The following POM121 variants were observed in gnomAD, a reference collection of about 807,000 sequenced individuals.
POM121 encodes nuclear envelope pore membrane protein POM 121.
A neutral mutation model predicts 81.3 loss-of-function variants in POM121; 32 were observed. The observed-to-expected ratio is 0.39, with a 90% CI of 0.30 to 0.53. The LOEUF (loss-of-function observed/expected upper bound fraction) is 0.53. POM121 is among the 20% of genes least tolerant of loss of function. The probability of loss-of-function intolerance (pLI) is 0.66; values close to 1 mark genes in which losing one functional copy is unlikely to be tolerated. For synonymous variants in POM121, 514 were observed against 694.2 expected (o/e 0.74, Z 4.08); for missense variants, 1,138 against 1,614.6 (o/e 0.70, Z 5.06).
chr7:72,906,688 TC>T (rs1219327100), intron 3 of POM121, among the ~76,000 whole-genome samples: 1 of 152,184 alleles, frequency 6.6e-6, no homozygotes, highest in African/African-American at 2.4e-5. Flanking sequence ...AGTGGTGCAG[TC>T]ACGGCTTACT....
At chr7:72,924,953 CAG>C (rs1795201596), upstream of POM121, 10 of 1,176,216 alleles carry the variant, frequency 8.5e-6, no homozygotes, top group East Asian at 3.2e-4. Context: ...GAGTCAGAAA[CAG>C]GCGTTAAAGG....
chr7:72,938,694 C>G lies in POM121; in HGVS notation c.1367+13C>G. On this transcript the variant is annotated intron_variant, in intron 6 of 12. Transcript: ENST00000434423. ...CAAAGAAAATAAGGTACTTGGCATT[C>G]TCCTGCAGTTTTCATTTGCTGCGTG... The G allele has an allele frequency of 6.2e-7, 1 of 1,612,110 alleles. No homozygotes were observed. The highest frequency in any genetic ancestry group is 8.5e-7 in the Non-Finnish European group (1 of 1,178,172).
intron 7 of POM121, 59 bp from the exon 8 acceptor site, chr7:72,939,788 A>G: frequency 6.2e-6 from 10 of 1,610,808 alleles, no homozygotes; most frequent in Non-Finnish European, 7.6e-6. Flanking sequence ...GTGGGTAGAC[A>G]CAACCATCCA....
chr7:72,897,133 C>G (rs1380401654), intron 3 of POM121, among the ~76,000 whole-genome samples: 1 of 152,054 alleles, frequency 6.6e-6, no homozygotes, highest in Non-Finnish European at 1.5e-5. Context: ...GCCTGGGCAA[C>G]AGAGCAAGAC....
intron 3 of POM121, among the ~76,000 whole-genome samples, chr7:72,896,140 T>C (rs1411828119): frequency 6.6e-6 from 1 of 151,734 alleles, no homozygotes; most frequent in Non-Finnish European, 1.5e-5. Flanking sequence ...GTTTTATTCC[T>C]TTTTCAGATT....
Position 72,943,456 on chromosome 7 carries a change from A to G in POM121, c.3463A>G (p.Thr1155Ala). 1.2e-6 allele frequency: 2 copies of G among 1,612,926 alleles called. No homozygotes were observed. The highest frequency in any genetic ancestry group is 8.5e-7 in the Non-Finnish European group (1 of 1,179,814). The change falls in exon 11 of 13, where the codon ACC becomes GCC. Residue 1155 changes from threonine to alanine, a missense_variant. Around this residue, in one of 7 missense-constraint regions of POM121, gnomAD observed 336 missense variants for 344.3 expected, o/e 0.98. Transcript: ENST00000434423. ...CTTAGGTCAGAACGCCCTGGGCACCACCGGCCAGAGCACACCGTTTGCCTT... is the reference window on the plus strand; with the variant it reads ...CTTAGGTCAGAACGCCCTGGGCACCGCCGGCCAGAGCACACCGTTTGCCTT... ...GGLGQNALGT[T>A]GQSTPFAFNV...
intron 5 of POM121, among the ~76,000 whole-genome samples, chr7:72,936,612 A>G (rs1387838214): frequency 5.9e-5 from 9 of 151,988 alleles, no homozygotes; most frequent in East Asian, 1.9e-4. Flanking sequence ...AGGTTTCACC[A>G]TGTTGGCCAT....
chr7:72,929,099 G>C (rs1554498099), intron 4 of POM121, among the ~76,000 whole-genome samples: 1 of 152,184 alleles, frequency 6.6e-6, no homozygotes, highest in Non-Finnish European at 1.5e-5. Context: ...AAGCAATGAA[G>C]ATGTTAAGGA....
intron 3 of POM121, among the ~76,000 whole-genome samples, chr7:72,910,939 C>T (rs1793743527): frequency 6.6e-6 from 1 of 152,126 alleles, no homozygotes; most frequent in Non-Finnish European, 1.5e-5. Context: ...TCTTCTCTAC[C>T]TTTCCAGAAT....
upstream of POM121, among the ~76,000 whole-genome samples, chr7:72,920,643 C>T (rs1316250745): frequency 9.9e-5 from 15 of 152,044 alleles, no homozygotes; most frequent in Admixed American, 5.9e-4. Context: ...CGTGAGCCAC[C>T]GTGCCCAGCC....
intron 1 of POM121, among the ~76,000 whole-genome samples, chr7:72,888,102 A>T: frequency 6.6e-6 from 1 of 152,148 alleles, no homozygotes; most frequent in Non-Finnish European, 1.5e-5. Flanking sequence ...GGCCTCAAGC[A>T]ATCCTTCTGC....
At chr7:72,926,759 G>A (rs1554497575) in intron 2 of POM121, 43 bp from the exon 3 acceptor site, 2 of 1,603,098 alleles carry the variant, frequency 1.2e-6, no homozygotes, top group South Asian at 1.1e-5. Context: ...TATGGCATGG[G>A]AATTAAAATA....
chr7:72,916,527 A>G (rs1157715329), intron 4 of POM121, among the ~76,000 whole-genome samples: 5 of 152,036 alleles, frequency 3.3e-5, no homozygotes, highest in African/African-American at 1.2e-4. Context: ...TGGTCTATGT[A>G]TCTGTTTTGG....
intron 5 of POM121, among the ~76,000 whole-genome samples, chr7:72,933,532 A>G (rs1230490558): frequency 1.3e-5 from 2 of 152,184 alleles, no homozygotes; most frequent in African/African-American, 4.8e-5. Flanking sequence ...AGAGAAACCT[A>G]TTCCAAATGA....
Position 72,925,726 on chromosome 7 carries a change from C to T in POM121, c.605C>T (p.Pro202Leu). 12 of 1,294,600 alleles carry T rather than the reference C, an allele frequency of 9.3e-6. No individual in the cohort carries two copies. Among genetic ancestry groups the T allele is most frequent in the African/African-American group, 1.6e-5 (1 of 63,216 alleles). The allele number at this position is 1,294,600 out of a possible 1,614,324, so 80.2% of individuals were successfully genotyped here. ...GCTCACCACGTTTACCCCTCTCTGCCCACTCCTCTTCTCCGACCCTCCAGG... is the reference window on the plus strand; with the variant it reads ...GCTCACCACGTTTACCCCTCTCTGCTCACTCCTCTTCTCCGACCCTCCAGG... Reference protein sequence around the residue: ...HRAHHVYPSLPTPLLRPSRRP... With the variant: ...HRAHHVYPSLLTPLLRPSRRP... The change falls in exon 1 of 13, where the codon CCC (proline) becomes CTC (leucine). Residue 202 changes from proline to leucine, a missense_variant. Physicochemically the swap from Pro to Leu is moderately conservative, Grantham distance 98. Around this residue, in one of 7 missense-constraint regions of POM121, gnomAD observed 646 missense variants for 633.5 expected, o/e 1.02. Coordinates refer to ENST00000434423, the MANE Select transcript of POM121 (RefSeq NM_001387691.1).
chr7:72,900,655 A>G (rs1792523742), intron 3 of POM121, among the ~76,000 whole-genome samples: 1 of 151,822 alleles, frequency 6.6e-6, no homozygotes, highest in Non-Finnish European at 1.5e-5. Flanking sequence ...AGGCACATGC[A>G]ATCACGCCTG....
At chr7:72,918,840 C>T (rs1281902363) in intron 4 of POM121, among the ~76,000 whole-genome samples, 1 of 152,072 alleles carries the variant, frequency 6.6e-6, no homozygotes. Context: ...ACTCTGTCTC[C>T]AGGCTGGAGT....
intron 5 of POM121, among the ~76,000 whole-genome samples, chr7:72,937,894 A>G (rs1384496581): frequency 3.3e-5 from 5 of 152,252 alleles, no homozygotes; most frequent in Non-Finnish European, 7.3e-5. Context: ...TGCAAAAGTC[A>G]TAAACGTTAC....
intron 6 of POM121, among the ~76,000 whole-genome samples, chr7:72,938,981 T>C (rs1224721346): frequency 6.6e-6 from 1 of 152,240 alleles, no homozygotes; most frequent in East Asian, 1.9e-4. Flanking sequence ...GCAGTCGCCT[T>C]CAGGTTCTTG....
Sources: gnomAD v4.1 joint callset for allele counts (sites outside exome capture counted in the v4.1 genomes callset) on GRCh38, gnomAD v4.1.1 for gene constraint, gnomAD v4.1.1 regional missense constraint, MANE v1.5 for transcripts, NCBI Gene and HGNC (gene_info 2026-07-23, HGNC 2026-07-21) for gene names.